UBE3C: variants seen among roughly 807,000 people sequenced by gnomAD.
The protein encoded by UBE3C is ubiquitin-protein ligase E3C.
Under a neutral mutation model 129.4 loss-of-function variants are expected in UBE3C, and 42 were observed. The ratio of observed to expected loss-of-function variants is 0.32; its 90% CI spans 0.25 to 0.42. The LOEUF is 0.42. Ranked by LOEUF, UBE3C falls within the 10% of genes least tolerant of loss-of-function variation. The pLI, the probability that UBE3C is intolerant of heterozygous loss-of-function variation, is 1.00. For missense variants in UBE3C, 1,049 were observed against 1,319.1 expected, an observed-to-expected ratio of 0.80 and a Z score of 3.17; for synonymous variants, 510 against 492.4, an observed-to-expected ratio of 1.04 and a Z score of -0.47.
At chr7:157,169,222 G>A in intron 3 of UBE3C, 100 bp downstream of exon 3, 1 of 793,014 alleles carries the variant, frequency 1.3e-6, no homozygotes. Flanking sequence ...AATGCTGACA[G>A]TAGTATTCTT....
chr7:157,259,724 G>A (rs868854704), intron 22 of UBE3C, among the ~76,000 whole-genome samples: 1 of 152,306 alleles, frequency 6.6e-6, no homozygotes, highest in South Asian at 2.1e-4. Context: ...AGGGCTGGAG[G>A]TGGCAGCGGG....
At chr7:157,197,287 G>A (rs1019086885) in intron 10 of UBE3C, among the ~76,000 whole-genome samples, 4 of 152,034 alleles carry the variant, frequency 2.6e-5, no homozygotes, top group Non-Finnish European at 5.9e-5. Flanking sequence ...TATCAAAAAG[G>A]GGTTTTCATT....
At chr7:157,267,189 A>C (rs973080611) in intron 22 of UBE3C, among the ~76,000 whole-genome samples, 2 of 151,126 alleles carry the variant, frequency 1.3e-5, no homozygotes, top group Non-Finnish European at 2.9e-5. Flanking sequence ...TTTGGGAGGC[A>C]GAGGTGGGCA....
chr7:157,237,735 A>G (rs755017421), intron 18 of UBE3C, among the ~76,000 whole-genome samples: 7 of 152,106 alleles, frequency 4.6e-5, no homozygotes, highest in Non-Finnish European at 1.0e-4. Flanking sequence ...TATTTGTGCA[A>G]TAAAGACAAC....
chr7:157,151,181 A>G (rs1563028644), intron 1 of UBE3C, among the ~76,000 whole-genome samples: 1 of 152,248 alleles, frequency 6.6e-6, no homozygotes, highest in Admixed American at 6.5e-5. Flanking sequence ...TCCTGAAGCC[A>G]CCGTAGAAGG....
intron 10 of UBE3C, among the ~76,000 whole-genome samples, chr7:157,189,720 T>A (rs1307402159): frequency 1.3e-5 from 2 of 151,930 alleles, no homozygotes; most frequent in Non-Finnish European, 2.9e-5. Flanking sequence ...TTTCCTTTAC[T>A]TGGGCTTCTC....
intron 18 of UBE3C, among the ~76,000 whole-genome samples, chr7:157,246,658 C>T (rs1796483844): frequency 6.6e-6 from 1 of 152,154 alleles, no homozygotes; most frequent in Non-Finnish European, 1.5e-5. Flanking sequence ...TATGGTTAGT[C>T]CAGCCTTCAC....
intron 22 of UBE3C, among the ~76,000 whole-genome samples, chr7:157,267,273 T>C (rs968828976): frequency 1.3e-5 from 2 of 151,998 alleles, no homozygotes; most frequent in Admixed American, 1.3e-4. Context: ...AATCCAAAAA[T>C]TAGCCAGGCA....
intron 13 of UBE3C, among the ~76,000 whole-genome samples, chr7:157,210,476 A>G (rs1340526888): frequency 2.0e-5 from 3 of 152,184 alleles, no homozygotes; most frequent in Non-Finnish European, 4.4e-5. Flanking sequence ...CTCTGTAGTT[A>G]ACTGTGTTTT....
At chr7:157,188,728 C>T (rs1808874292) in intron 10 of UBE3C, among the ~76,000 whole-genome samples, 1 of 152,092 alleles carries the variant, frequency 6.6e-6, no homozygotes, top group Admixed American at 6.6e-5. Flanking sequence ...ATGGCTTAAA[C>T]ATATTAGGTT....
Position 157,248,561 on chromosome 7 carries a change from A to G in UBE3C, c.2675A>G (p.Asn892Ser). 6.2e-7 allele frequency: 1 copy of G among 1,612,476 alleles called. No homozygotes were observed. Among genetic ancestry groups the G allele is most frequent in the Non-Finnish European group, 8.5e-7 (1 of 1,179,994 alleles). The change falls in exon 19 of 23, where the codon AAT (asparagine) becomes AGT (serine). Residue 892 changes from asparagine to serine, a missense_variant. Transcript: ENST00000348165. ...GGGCTGAACTTCACTGTGGTGAACA[A>G]TGACCTGGGAGAGGCGCAGGTGAGG... ...ELGLNFTVVN[N>S]DLGEAQVVEL...
rs757786152 is a variant in UBE3C, at chr7:157,207,490, G to T, written c.1511G>T (p.Ser504Ile). Residue 504 changes from serine to isoleucine, a missense_variant, in exon 12 of 23, where the codon AGC (serine) becomes ATC (isoleucine). Around this residue, in one of 4 missense-constraint regions of UBE3C, gnomAD observed 314 missense variants for 416.9 expected, o/e 0.75. Coordinates refer to ENST00000348165, the MANE Select transcript of UBE3C (RefSeq NM_014671.3). Reference protein sequence around the residue: ...SRIIPLFYLFSSLFSHSLISI... With the variant: ...SRIIPLFYLFISLFSHSLISI... ...ATCATCCCACTCTTTTATCTTTTTA[G>T]CTCCTTGTTTAGTCATTCACTAATT... 1 of 1,613,556 alleles carries T rather than the reference G, an allele frequency of 6.2e-7. No homozygotes were observed. The highest frequency in any genetic ancestry group is 8.5e-7 in the Non-Finnish European group (1 of 1,179,934).
chr7:157,171,684 ATATTTTTTTTTTTTTTTTT>A lies in UBE3C; in HGVS notation c.342+1236_342+1254del, dbSNP rs1808377193. On this transcript the variant is annotated intron_variant, in intron 4 of 22. Coordinates refer to ENST00000348165, the MANE Select transcript of UBE3C (RefSeq NM_014671.3). ...TTTATATATATATATATATATATATATATTTTTTTTTTTTTTTTTTTTTTTTTTTTTTTTTTTTTTGAGA... is the reference window on the plus strand; with the variant it reads ...TTTATATATATATATATATATATATATTTTTTTTTTTTTTTTTTTTTGAGA... Among the ~76,000 whole-genome samples, 6 of 54,648 alleles carry A rather than the reference ATATTTTTTTTTTTTTTTTT, an allele frequency of 1.1e-4. No individual in the cohort carries two copies. The South Asian group carries it at 2.0e-3, about 18-fold the overall frequency. The allele number at this position is 54,648 out of a possible 152,430, so 35.9% of individuals were successfully genotyped here.
At chr7:157,141,449 A>G (rs968310031) in intron 1 of UBE3C, among the ~76,000 whole-genome samples, 17 of 152,160 alleles carry the variant, frequency 1.1e-4, no homozygotes, top group Non-Finnish European at 1.8e-4. Context: ...ACAGAAACCT[A>G]TAGCCAGTGT....
intron 1 of UBE3C, among the ~76,000 whole-genome samples, chr7:157,147,576 A>G (rs2116800985): frequency 6.6e-6 from 1 of 152,218 alleles, no homozygotes; most frequent in South Asian, 2.1e-4. Context: ...TTACTGCATT[A>G]GGTAGGATTA....
chr7:157,169,288 T>C (rs1808300751), intron 3 of UBE3C, among the ~76,000 whole-genome samples, 166 bp downstream of exon 3: 1 of 152,076 alleles, frequency 6.6e-6, no homozygotes, highest in African/African-American at 2.4e-5. Context: ...GATAGGTGAG[T>C]TTTTAGGTAA....
chr7:157,243,576 A>G (rs188371487), intron 18 of UBE3C, among the ~76,000 whole-genome samples: 1,896 of 152,282 alleles, frequency 0.012, 20 homozygotes, highest in Middle Eastern at 0.044. Flanking sequence ...GGCCCCTCCC[A>G]GGGAGCTTGG....
rs539657722 is a variant in UBE3C at position 157,261,972 on chromosome 7, A to G, written c.3081+4928A>G. Among the ~76,000 whole-genome samples the G allele has an allele frequency of 3.3e-5, 5 of 152,318 alleles. No homozygotes were observed. The East Asian group carries it at 9.6e-4, about 29-fold the overall frequency. On this transcript the variant is annotated intron_variant, in intron 22 of 22. Coordinates refer to ENST00000348165, the MANE Select transcript of UBE3C (RefSeq NM_014671.3). ...TTCATTTTTTTACTTTTAAGTCTCC[A>G]AGTAGGAAATTCAATTAGCGTTATG...
intron 17 of UBE3C, among the ~76,000 whole-genome samples, chr7:157,229,368 G>A (rs1795960322): frequency 6.6e-6 from 1 of 151,818 alleles, no homozygotes; most frequent in Non-Finnish European, 1.5e-5. Context: ...AGGCTGGAGT[G>A]CAATGGCACA....
Sources: allele counts gnomAD v4.1 joint callset (sites outside exome capture counted in the v4.1 genomes callset), GRCh38; gene constraint gnomAD v4.1.1; regional missense constraint gnomAD v4.1.1; transcripts MANE v1.5; gene names NCBI Gene and HGNC (gene_info 2026-07-23, HGNC 2026-07-21).